Variants in ZNRF1 observed in about 807,000 individuals in gnomAD.
ZNRF1 encodes the protein zinc and ring finger 1.
In ZNRF1, 3 loss-of-function variants were observed where a neutral mutation model predicts 18.4. That is an observed-to-expected ratio of 0.16 (90% CI 0.07 to 0.42). ZNRF1 has a LOEUF of 0.42. Among genes scored for constraint, ZNRF1 ranks in the 10% least tolerant of loss-of-function variants. ZNRF1 has a pLI of 0.99. For synonymous variants in ZNRF1, 157 were observed against 144.2 expected (o/e 1.09, Z -0.64); for missense variants, 310 against 329.8 (o/e 0.94, Z 0.47).
intron 1 of ZNRF1, among the ~76,000 whole-genome samples, chr16:75,051,283 C>T (rs2035600253): frequency 6.6e-6 from 1 of 152,174 alleles, no homozygotes; most frequent in African/African-American, 2.4e-5. Context: ...TCTCAGCTCA[C>T]TGCAGCCTCT....
chr16:75,094,136 T>A (rs2036172116), intron 2 of ZNRF1, among the ~76,000 whole-genome samples: 1 of 152,200 alleles, frequency 6.6e-6, no homozygotes, highest in African/African-American at 2.4e-5. Context: ...CGTCTCCTTG[T>A]CACGTTCGAA....
chr16:75,047,126 T>TG (rs774980420), intron 1 of ZNRF1, among the ~76,000 whole-genome samples: 3 of 152,240 alleles, frequency 2.0e-5, no homozygotes, highest in Non-Finnish European at 4.4e-5. Flanking sequence ...TCATTTGAAC[T>TG]GCTTTATAGT....
chr16:75,106,626 G>T, intron 4 of ZNRF1, 55 bp downstream of exon 4: 1 of 1,499,752 alleles, frequency 6.7e-7, no homozygotes, highest in South Asian at 1.1e-5. Flanking sequence ...AGGTCACTTT[G>T]GGGGCCTGCA....
chr16:75,051,857 A>G (rs1239393061), intron 1 of ZNRF1, among the ~76,000 whole-genome samples: 1 of 152,158 alleles, frequency 6.6e-6, no homozygotes, highest in African/African-American at 2.4e-5. Flanking sequence ...TCACAAATCT[A>G]TTCATCTATC....
chr16:75,031,860 G>A (rs75125643), intron 1 of ZNRF1, among the ~76,000 whole-genome samples: 3,754 of 151,386 alleles, frequency 0.025, 63 homozygotes, highest in South Asian at 0.05. Flanking sequence ...CAATTCTGCC[G>A]GATCTACCCG....
intron 1 of ZNRF1, among the ~76,000 whole-genome samples, chr16:75,054,981 T>C (rs1420365854): frequency 6.6e-6 from 1 of 152,212 alleles, no homozygotes; most frequent in East Asian, 1.9e-4. Context: ...GAGCAGGGTG[T>C]CCTAATGAAA....
intron 1 of ZNRF1, among the ~76,000 whole-genome samples, chr16:75,064,649 G>T (rs1018066636): frequency 7.2e-5 from 11 of 152,000 alleles, no homozygotes; most frequent in Admixed American, 2.6e-4. Flanking sequence ...TGCCTGGCAC[G>T]TAGGAGTGGC....
chr16:75,027,707 C>T (rs922772341), intron 1 of ZNRF1, among the ~76,000 whole-genome samples: 2 of 152,164 alleles, frequency 1.3e-5, no homozygotes, highest in African/African-American at 4.8e-5. Context: ...TTGGCTAAAT[C>T]ACAACTCTGG....
At position 75,034,728 on chromosome 16, in the gene ZNRF1, G is replaced by A. The variant is rs370468065; in HGVS notation, c.424+34633G>A. ...TGCAGCCTCTGCCCCCTGGGTTCAA[G>A]TGATTCTTATGCCTCAGCCTCCCAA... On this transcript the variant is annotated intron_variant, in intron 1 of 4. Transcript: ENST00000335325. Among the ~76,000 whole-genome samples the A allele has an allele frequency of 3.3e-5, 5 of 152,176 alleles. No individual in the cohort carries two copies. The East Asian group carries it at 9.6e-4, about 29-fold the overall frequency.
intron 2 of ZNRF1, among the ~76,000 whole-genome samples, chr16:75,096,293 C>CT (rs1159152499): frequency 6.6e-6 from 1 of 152,116 alleles, no homozygotes; most frequent in Non-Finnish European, 1.5e-5. Flanking sequence ...CATGTTCAGT[C>CT]TTTGTCTTTT....
intron 1 of ZNRF1, among the ~76,000 whole-genome samples, chr16:75,029,894 G>A (rs1176484203): frequency 6.6e-6 from 1 of 151,618 alleles, no homozygotes; most frequent in African/African-American, 2.4e-5. Context: ...AATTAGCCAG[G>A]TGAAGAAAAA....
At position 75,013,979 on chromosome 16, in the gene ZNRF1, A is replaced by G. The variant is rs75482875; in HGVS notation, c.424+13884A>G. 7.4e-3 allele frequency among the ~76,000 whole-genome samples: 1,125 copies of G among 151,996 alleles called. 14 individuals carry two copies. Among genetic ancestry groups the G allele is most frequent in the African/African-American group, 0.026 (1,068 of 41,482 alleles). On this transcript the variant is annotated intron_variant, in intron 1 of 4. Transcript: ENST00000335325. ...CGAGTAGTTGGGATTACAGGCAAAC[A>G]CCACCACACCCGACTAATTTTTTGT...
chr16:75,016,458 T>G (rs1383206587), intron 1 of ZNRF1, among the ~76,000 whole-genome samples: 1 of 152,070 alleles, frequency 6.6e-6, no homozygotes, highest in Admixed American at 6.6e-5. Context: ...CAGGCTGGTC[T>G]TGTACTCCTG....
At chr16:75,028,271 C>G (rs1018045599) in intron 1 of ZNRF1, among the ~76,000 whole-genome samples, 1 of 152,174 alleles carries the variant, frequency 6.6e-6, no homozygotes, top group Non-Finnish European at 1.5e-5. Flanking sequence ...CCTACAGATA[C>G]TAGTCCATTC....
chr16:75,093,558 C>T lies in ZNRF1; in HGVS notation c.425-14C>T. On this transcript the variant is annotated splice_polypyrimidine_tract_variant and intron_variant, in intron 1 of 4. Transcript: ENST00000335325. Reference sequence around the variant, plus strand: ...TCTGGAGAAAACATTTCATCCCATTCTCCTCTCTTTCAGGTTTCAAGTGCC... The same window carrying T: ...TCTGGAGAAAACATTTCATCCCATTTTCCTCTCTTTCAGGTTTCAAGTGCC... The T allele has an allele frequency of 6.2e-6, 10 of 1,605,566 alleles. No individual in the cohort carries two copies. The highest frequency in any genetic ancestry group is 8.5e-6 in the Non-Finnish European group (10 of 1,172,332).
At chr16:75,094,020 AG>A (rs2036170382) in intron 2 of ZNRF1, among the ~76,000 whole-genome samples, 1 of 152,232 alleles carries the variant, frequency 6.6e-6, no homozygotes, top group African/African-American at 2.4e-5. Flanking sequence ...CAAGACAGCC[AG>A]GTGTCCTCCA....
intron 1 of ZNRF1, among the ~76,000 whole-genome samples, chr16:75,033,437 GTTTTTT>G (rs55813752): frequency 2.0e-5 from 2 of 98,170 alleles, no homozygotes; most frequent in Non-Finnish European, 2.2e-5. Flanking sequence ...GTGTTTTATA[GTTTTTT>G]TTTTTTTTTT....
intron 1 of ZNRF1, among the ~76,000 whole-genome samples, chr16:75,051,752 A>G (rs932340853): frequency 6.6e-6 from 1 of 151,918 alleles, no homozygotes; most frequent in African/African-American, 2.4e-5. Flanking sequence ...TCCTGACCTC[A>G]TGATCCACCC....
chr16:75,029,808 G>C (rs1471937869), intron 1 of ZNRF1, among the ~76,000 whole-genome samples: 2 of 151,648 alleles, frequency 1.3e-5, no homozygotes, highest in African/African-American at 4.8e-5. Flanking sequence ...CTGGGTGTGG[G>C]CTGATCACTT....
Sources: allele counts gnomAD v4.1 joint callset (sites outside exome capture counted in the v4.1 genomes callset), GRCh38; gene constraint gnomAD v4.1.1; transcripts MANE v1.5; gene names NCBI Gene and HGNC (gene_info 2026-07-23, HGNC 2026-07-21).